The following SNAP23 variants were observed in gnomAD, a reference collection of about 807,000 sequenced individuals.
SNAP23 encodes synaptosomal-associated protein 23.
In SNAP23, 11 loss-of-function variants were observed where a neutral mutation model predicts 29.0. The ratio of observed to expected loss-of-function variants is 0.38; its 90% CI spans 0.24 to 0.63. The LOEUF (loss-of-function observed/expected upper bound fraction) is 0.63, where lower values mean the gene tolerates loss of function less well. Ranked by LOEUF, SNAP23 falls within the 20% of genes least tolerant of loss-of-function variation. The pLI is 0.58. For synonymous variants in SNAP23, 60 were observed against 82.9 expected (o/e 0.72, Z 1.50); for missense variants, 220 against 253.9 (o/e 0.87, Z 0.91).
At chr15:42,525,448 C>CTTTTTTTT (rs1566819532) in intron 5 of SNAP23, among the ~76,000 whole-genome samples, 2 of 50,690 alleles carry the variant, frequency 3.9e-5, no homozygotes, top group East Asian at 1.1e-3. Context: ...AAGATCCAGT[C>CTTTTTTTT]TTCTTTTTTT....
chr15:42,501,653 C>G (rs1462048559), intron 1 of SNAP23, among the ~76,000 whole-genome samples: 7 of 152,094 alleles, frequency 4.6e-5, no homozygotes, highest in Non-Finnish European at 8.8e-5. Flanking sequence ...TTTAAGCAAT[C>G]CTTTTGCTTT....
At chr15:42,524,930 G>C (rs1194418652) in intron 5 of SNAP23, among the ~76,000 whole-genome samples, 1 of 152,148 alleles carries the variant, frequency 6.6e-6, no homozygotes. Flanking sequence ...TACCTAGAGT[G>C]GACATGCTGA....
intron 5 of SNAP23, among the ~76,000 whole-genome samples, chr15:42,519,206 C>T (rs1385290649): frequency 2.0e-5 from 3 of 151,886 alleles, no homozygotes; most frequent in African/African-American, 4.8e-5. Context: ...TGGTGCCTGC[C>T]ACCACGCCCA....
In SNAP23 at chr15:42,504,921, T is replaced by TAATA. The variant is rs143908086; in HGVS notation, c.-14-6909_-14-6906dup. Reference sequence around the variant, plus strand: ...GAGAATGCTGAACTTAAAAGTACAGTAATAAACCCTTTGAGTGTAACTCAT... The same window carrying TAATA: ...GAGAATGCTGAACTTAAAAGTACAGTAATAAATAAACCCTTTGAGTGTAACTCAT... On this transcript the variant is annotated intron_variant, in intron 1 of 7. Transcript: ENST00000249647. Among the ~76,000 whole-genome samples the TAATA allele has an allele frequency of 6.8e-4, 104 of 152,322 alleles. 1 individual carries two copies. The East Asian group carries it at 0.016, about 23-fold the overall frequency.
At chr15:42,493,913 C>CCT (rs995513744), upstream of SNAP23, among the ~76,000 whole-genome samples, 1 of 151,314 alleles carries the variant, frequency 6.6e-6, no homozygotes, top group African/African-American at 2.4e-5. Flanking sequence ...GGAAATATCT[C>CCT]CTCTCTCTCT....
chr15:42,516,410 A>C (rs1312940103), intron 5 of SNAP23, among the ~76,000 whole-genome samples: 1 of 152,056 alleles, frequency 6.6e-6, no homozygotes, highest in Admixed American at 6.6e-5. Flanking sequence ...GCTCACTGCA[A>C]CCTCCGTCTC....
At position 42,532,362 on chromosome 15, in the gene SNAP23, G is replaced by A. The variant is rs1287951819; in HGVS notation, c.*884G>A. 6.6e-6 allele frequency: 1 copy of A among 152,142 alleles called. No homozygotes were observed. Among genetic ancestry groups the A allele is most frequent in the Non-Finnish European group, 1.5e-5 (1 of 68,068 alleles). The allele number at this position is 152,142 out of a possible 1,614,324, so 9.4% of individuals were successfully genotyped here. ...GGCCTCCCAAAGTACTGGGATTACAGGCGTGAGCCACTGTGCCTGGCTGAG... is the reference window on the plus strand; with the variant it reads ...GGCCTCCCAAAGTACTGGGATTACAAGCGTGAGCCACTGTGCCTGGCTGAG... On this transcript the variant is annotated 3_prime_UTR_variant, in exon 8 of 8. Coordinates refer to ENST00000249647, the MANE Select transcript of SNAP23 (RefSeq NM_003825.4).
chr15:42,528,608 CAG>C (rs2141558323), intron 6 of SNAP23, among the ~76,000 whole-genome samples, 188 bp downstream of exon 6: 1 of 152,176 alleles, frequency 6.6e-6, no homozygotes, highest in South Asian at 2.1e-4. Context: ...TGTTTTGAGA[CAG>C]AGTCTTGCTG....
At chr15:42,510,446 G>A (rs2057351110) in intron 1 of SNAP23, among the ~76,000 whole-genome samples, 1 of 152,164 alleles carries the variant, frequency 6.6e-6, no homozygotes, top group African/African-American at 2.4e-5. Flanking sequence ...AAAAATGACT[G>A]AAAAGATTTA....
chr15:42,494,514 T>C (rs2057199646), upstream of SNAP23, among the ~76,000 whole-genome samples: 1 of 149,568 alleles, frequency 6.7e-6, no homozygotes, highest in African/African-American at 2.4e-5. Context: ...TTCTTTCTTT[T>C]TTTTTTTTTT....
chr15:42,492,724 G>C (rs1039934452), upstream of SNAP23: 3 of 151,022 alleles, frequency 2.0e-5, no homozygotes, highest in Non-Finnish European at 2.9e-5. Context: ...AAAGGAAGCG[G>C]CTATATTAAC....
At position 42,512,982 on chromosome 15, in the gene SNAP23, G is replaced by A. The variant is rs752509184; in HGVS notation, c.85G>A (p.Gly29Ser). 1 of 1,611,514 alleles carries A rather than the reference G, an allele frequency of 6.2e-7. No individual in the cohort carries two copies. Among genetic ancestry groups the A allele is most frequent in the Non-Finnish European group, 8.5e-7 (1 of 1,177,706 alleles). Reference sequence around the variant, plus strand: ...TCTGGAAAGTACGAGGAGAATCCTGGGTTTAGCCATTGAGGTAAGAAAATG... The same window carrying A: ...TCTGGAAAGTACGAGGAGAATCCTGAGTTTAGCCATTGAGGTAAGAAAATG... ...ESLESTRRIL[G>S]LAIESQDAGI... is the part of the protein sequence containing the mutation. Residue 29 changes from glycine to serine, a missense_variant, in exon 3 of 8, where the codon GGT becomes AGT. Gly to Ser is a moderately conservative substitution (Grantham distance 56). Transcript: ENST00000249647.
upstream of SNAP23, among the ~76,000 whole-genome samples, chr15:42,491,901 T>TTTAGTTAG (rs11281244): frequency 1.2e-4 from 18 of 146,978 alleles, no homozygotes; most frequent in African/African-American, 2.3e-4. Flanking sequence ...TATTTATTTA[T>TTTAGTTAG]TTAGTTAGTT....
chr15:42,529,919 C>T (rs2057545988), intron 7 of SNAP23, 100 bp downstream of exon 7: 1 of 1,286,538 alleles, frequency 7.8e-7, no homozygotes, highest in East Asian at 2.3e-5. Context: ...GTAGAATAAG[C>T]TCCTGTCCTC....
intron 1 of SNAP23, among the ~76,000 whole-genome samples, chr15:42,507,326 G>A (rs1385256697): frequency 6.6e-6 from 1 of 152,142 alleles, no homozygotes; most frequent in African/African-American, 2.4e-5. Context: ...GGTACTCAGT[G>A]AACTTTTCTT....
At chr15:42,519,576 G>C (rs1181248505) in intron 5 of SNAP23, among the ~76,000 whole-genome samples, 1 of 151,510 alleles carries the variant, frequency 6.6e-6, no homozygotes, top group Non-Finnish European at 1.5e-5. Flanking sequence ...TGCCATGTTG[G>C]CCAGGATGGT....
upstream of SNAP23, among the ~76,000 whole-genome samples, chr15:42,492,590 A>G (rs2141486543): frequency 6.7e-6 from 1 of 148,310 alleles, no homozygotes; most frequent in East Asian, 2.0e-4. Flanking sequence ...AGGAAGGAGA[A>G]TCGCTTGAAC....
At chr15:42,508,440 C>T (rs1280606274) in intron 1 of SNAP23, among the ~76,000 whole-genome samples, 1 of 152,154 alleles carries the variant, frequency 6.6e-6, no homozygotes, top group Non-Finnish European at 1.5e-5. Flanking sequence ...GTGCTCAAAA[C>T]CCTCAAGAAC....
upstream of SNAP23, among the ~76,000 whole-genome samples, chr15:42,494,490 C>T (rs1404364362): frequency 6.9e-6 from 1 of 144,980 alleles, no homozygotes; most frequent in Non-Finnish European, 1.5e-5. Flanking sequence ...CCCGCCACCA[C>T]ACCCAGCTAT....
Sources: allele counts gnomAD v4.1 joint callset (sites outside exome capture counted in the v4.1 genomes callset), GRCh38; gene constraint gnomAD v4.1.1; transcripts MANE v1.5; gene names NCBI Gene and HGNC (gene_info 2026-07-23, HGNC 2026-07-21).